PHLPP1: variants seen among roughly 807,000 people sequenced by gnomAD.
PHLPP1 encodes the protein PH domain leucine-rich repeat-containing protein phosphatase 1.
Under a neutral mutation model 117.2 loss-of-function variants are expected in PHLPP1, and 42 were observed. The ratio of observed to expected loss-of-function variants is 0.36; its 90% confidence interval spans 0.28 to 0.46. The LOEUF (loss-of-function observed/expected upper bound fraction) is 0.46, where lower values mean the gene tolerates loss of function less well. Ranked by LOEUF, PHLPP1 falls within the 20% of genes least tolerant of loss-of-function variation. The pLI, the probability that PHLPP1 is intolerant of heterozygous loss-of-function variation, is 1.00. For missense variants in PHLPP1, 2,084 were observed against 2,241.9 expected, an observed-to-expected ratio of 0.93 and a Z score of 1.42; for synonymous variants, 1,042 against 970.7, an observed-to-expected ratio of 1.07 and a Z score of -1.37.
chr18:62,864,310 C>T (rs965993015), intron 4 of PHLPP1, among the ~76,000 whole-genome samples: 27 of 152,350 alleles, frequency 1.8e-4, no homozygotes, highest in African/African-American at 6.5e-4. Context: ...ACGTGAGCTA[C>T]TGCACCTGGC....
At chr18:62,719,993 A>G (rs1225741256) in intron 1 of PHLPP1, among the ~76,000 whole-genome samples, 1 of 152,176 alleles carries the variant, frequency 6.6e-6, no homozygotes, top group Non-Finnish European at 1.5e-5. Context: ...GTACTATCTA[A>G]TTACAGAGTT....
At chr18:62,764,151 G>A (rs1427505932) in intron 1 of PHLPP1, among the ~76,000 whole-genome samples, 1 of 94,130 alleles carries the variant, frequency 1.1e-5, no homozygotes, top group East Asian at 3.9e-4. Context: ...CAACAAGAGT[G>A]AAACTCCATC....
intron 12 of PHLPP1, among the ~76,000 whole-genome samples, chr18:62,945,795 A>T (rs756035778): frequency 6.6e-6 from 1 of 152,216 alleles, no homozygotes; most frequent in African/African-American, 2.4e-5. Flanking sequence ...GGCAGAGCAG[A>T]TATTATTGTC....
In PHLPP1 at chr18:62,980,010, AT is replaced by A. The variant is rs1911327682; in HGVS notation, c.*581del. Reference sequence around the variant, plus strand: ...AGAGAACAGCTGATTGAGAATTTCCATTGTAAATAGCTCAGTGTTGTATAGT... The same window carrying A: ...AGAGAACAGCTGATTGAGAATTTCCATGTAAATAGCTCAGTGTTGTATAGT... On this transcript the variant is annotated 3_prime_UTR_variant, in exon 17 of 17. Transcript: ENST00000262719. The A allele has an allele frequency of 6.5e-6, 1 of 154,900 alleles. No homozygotes were observed. The highest frequency in any genetic ancestry group is 1.4e-5 in the Non-Finnish European group (1 of 69,784). The allele number at this position is 154,900 out of a possible 1,614,324, so 9.6% of individuals were successfully genotyped here.
rs74994878 is a variant in PHLPP1, at chr18:62,848,010, G to A, written c.1899+9101G>A. 7.9e-3 allele frequency among the ~76,000 whole-genome samples: 1,197 copies of A among 152,344 alleles called. 20 individuals carry two copies. Among genetic ancestry groups the A allele is most frequent in the African/African-American group, 0.028 (1,146 of 41,588 alleles). ...GCACTGCCCTGTCTGCTCCTTAGCA[G>A]TCTATTTTCAGCAGAAGTATCCCTG... On this transcript the variant is annotated intron_variant, in intron 3 of 16. Transcript: ENST00000262719.
At chr18:62,813,763 C>G (rs1300558480) in intron 1 of PHLPP1, among the ~76,000 whole-genome samples, 2 of 152,200 alleles carry the variant, frequency 1.3e-5, no homozygotes, top group African/African-American at 4.8e-5. Flanking sequence ...GGTTTTGGCA[C>G]ATGCTCAGGT....
chr18:62,888,606 T>G (rs1916342770), intron 4 of PHLPP1, among the ~76,000 whole-genome samples: 1 of 151,982 alleles, frequency 6.6e-6, no homozygotes, highest in Non-Finnish European at 1.5e-5. Flanking sequence ...GAGGCTGAGG[T>G]GGGATTGCTG....
chr18:62,900,455 T>C (rs1214030165), intron 6 of PHLPP1, among the ~76,000 whole-genome samples: 1 of 126,742 alleles, frequency 7.9e-6, no homozygotes, highest in African/African-American at 2.9e-5. Flanking sequence ...TTTTTTTTTT[T>C]TTTTTTGAGA....
Position 62,860,448 on chromosome 18 carries a change from G to T in PHLPP1, c.1913G>T (p.Arg638Leu). 1.2e-6 allele frequency: 2 copies of T among 1,613,756 alleles called. No homozygotes were observed. The highest frequency in any genetic ancestry group is 1.7e-6 in the Non-Finnish European group (2 of 1,179,770). ...LRQVSKVASQRISSVDLSCCS... is the reference protein window; with the variant it reads ...LRQVSKVASQLISSVDLSCCS... The stretch of plus-strand genomic sequence containing the variant: ...ATCCCCCTTTAGGTTGCATCCCAGC[G>T]CATTAGCTCAGTGGACCTCTCGTGT... Residue 638 changes from arginine to leucine, a missense_variant, in exon 4 of 17, where the codon CGC becomes CTC. Around this residue, in one of 2 missense-constraint regions of PHLPP1, gnomAD observed 1,365 missense variants for 1,605.9 expected, o/e 0.85. Coordinates refer to ENST00000262719, the MANE Select transcript of PHLPP1 (RefSeq NM_194449.4).
intron 4 of PHLPP1, chr18:62,889,723 A>G (rs555982753): frequency 6.6e-6 from 1 of 152,356 alleles, no homozygotes; most frequent in African/African-American, 2.4e-5. Context: ...CAGGGTAAGG[A>G]ATTCCAGTCT....
At chr18:62,854,997 T>G (rs1416757925) in intron 3 of PHLPP1, among the ~76,000 whole-genome samples, 1 of 152,156 alleles carries the variant, frequency 6.6e-6, no homozygotes, top group Non-Finnish European at 1.5e-5. Flanking sequence ...ACACCCAGCC[T>G]GATCCTGCTG....
At chr18:62,734,768 C>T (rs1216774521) in intron 1 of PHLPP1, among the ~76,000 whole-genome samples, 3 of 152,214 alleles carry the variant, frequency 2.0e-5, no homozygotes, top group Non-Finnish European at 4.4e-5. Context: ...TATTTGCCCT[C>T]TGTGAAAATT....
chr18:62,849,921 T>A (rs1350743459), intron 3 of PHLPP1, among the ~76,000 whole-genome samples: 1 of 147,572 alleles, frequency 6.8e-6, no homozygotes, highest in African/African-American at 2.5e-5. Context: ...TTAAATTTTC[T>A]ACGCCTACTC....
At chr18:62,789,507 T>C (rs534261547) in intron 1 of PHLPP1, among the ~76,000 whole-genome samples, 1 of 152,294 alleles carries the variant, frequency 6.6e-6, no homozygotes, top group South Asian at 2.1e-4. Flanking sequence ...TTAAAAATAT[T>C]GTTTGCAGAG....
intron 9 of PHLPP1, among the ~76,000 whole-genome samples, chr18:62,918,446 A>T (rs1371379681): frequency 6.7e-6 from 1 of 149,286 alleles, no homozygotes; most frequent in Non-Finnish European, 1.5e-5. Flanking sequence ...ATATATATAT[A>T]TGATGAACCA....
chr18:62,808,683 C>A (rs1156857270), intron 1 of PHLPP1, among the ~76,000 whole-genome samples: 1 of 152,012 alleles, frequency 6.6e-6, no homozygotes, highest in African/African-American at 2.4e-5. Context: ...TCCTGAGTAG[C>A]TGAGATTACA....
chr18:62,783,924 T>C (rs1262311394), intron 1 of PHLPP1, among the ~76,000 whole-genome samples: 1 of 152,176 alleles, frequency 6.6e-6, no homozygotes, highest in Non-Finnish European at 1.5e-5. Context: ...GGCCTGAGAA[T>C]GAGAAGAAAG....
intron 1 of PHLPP1, among the ~76,000 whole-genome samples, chr18:62,763,311 A>G (rs1368982873): frequency 6.6e-6 from 1 of 152,138 alleles, no homozygotes; most frequent in African/African-American, 2.4e-5. Flanking sequence ...GAAACCTGAA[A>G]CTGTGTTCTC....
intron 1 of PHLPP1, among the ~76,000 whole-genome samples, chr18:62,724,706 G>A (rs764581594): frequency 1.3e-5 from 2 of 152,092 alleles, no homozygotes; most frequent in Non-Finnish European, 2.9e-5. Flanking sequence ...ACAGTTAGTC[G>A]TTTCTCTATT....
Sources: allele counts gnomAD v4.1 joint callset (sites outside exome capture counted in the v4.1 genomes callset), GRCh38; gene constraint gnomAD v4.1.1; regional missense constraint gnomAD v4.1.1; transcripts MANE v1.5; gene names NCBI Gene and HGNC (gene_info 2026-07-23, HGNC 2026-07-21).